The following SCMH1 variants were observed in gnomAD, a reference collection of about 807,000 sequenced individuals.
The protein encoded by SCMH1 is Scm polycomb group protein homolog 1.
Under a neutral mutation model 70.8 loss-of-function variants are expected in SCMH1, and 37 were observed. The ratio of observed to expected loss-of-function variants is 0.52; its 90% CI spans 0.40 to 0.69. The LOEUF (loss-of-function observed/expected upper bound fraction) is 0.69. SCMH1 is among the 30% of genes least tolerant of loss of function. The probability of loss-of-function intolerance (pLI) is 0.00; values close to 1 mark genes in which losing one functional copy is unlikely to be tolerated. For missense variants in SCMH1, 607 were observed against 827.3 expected, an observed-to-expected ratio of 0.73 and a Z score of 3.27; for synonymous variants, 292 against 307.4, an observed-to-expected ratio of 0.95 and a Z score of 0.52.
intron 2 of SCMH1, among the ~76,000 whole-genome samples, chr1:41,185,627 T>C (rs565720213): frequency 1.1e-4 from 17 of 151,710 alleles, no homozygotes; most frequent in African/African-American, 3.6e-4. Context: ...TGTAGCCAAA[T>C]TGTTACAGAT....
At chr1:41,190,877 G>A (rs1651554323) in intron 1 of SCMH1, among the ~76,000 whole-genome samples, 1 of 152,002 alleles carries the variant, frequency 6.6e-6, no homozygotes, top group Non-Finnish European at 1.5e-5. Flanking sequence ...TATCTTTTAA[G>A]TTAGTTAGTT....
At chr1:41,216,455 T>C (rs998206701) in intron 1 of SCMH1, among the ~76,000 whole-genome samples, 1 of 152,142 alleles carries the variant, frequency 6.6e-6, no homozygotes, top group Admixed American at 6.5e-5. Flanking sequence ...ACCTTCACCA[T>C]GATGAAGGCA....
chr1:41,044,405 A>G (rs913187250), intron 12 of SCMH1, among the ~76,000 whole-genome samples: 5 of 152,142 alleles, frequency 3.3e-5, no homozygotes, highest in Non-Finnish European at 7.4e-5. Context: ...AAATGATAAT[A>G]TCAGAGGTGG....
At chr1:41,156,259 A>G (rs1265528383) in intron 4 of SCMH1, among the ~76,000 whole-genome samples, 1 of 152,184 alleles carries the variant, frequency 6.6e-6, no homozygotes, top group Non-Finnish European at 1.5e-5. Flanking sequence ...ATTCCTTTAC[A>G]AGAACTCTAC....
At chr1:41,232,817 TAAAC>T (rs774203658) in intron 1 of SCMH1, among the ~76,000 whole-genome samples, 2 of 152,242 alleles carry the variant, frequency 1.3e-5, no homozygotes, top group Non-Finnish European at 2.9e-5. Flanking sequence ...AACATATGTA[TAAAC>T]AAACAAACAC....
At chr1:41,102,604 C>G (rs1335424045) in intron 8 of SCMH1, among the ~76,000 whole-genome samples, 1 of 152,200 alleles carries the variant, frequency 6.6e-6, no homozygotes, top group East Asian at 1.9e-4. Flanking sequence ...GCTGATAAAT[C>G]TGCAGAGAGT....
At chr1:41,239,115 T>TA (rs142580257) in intron 1 of SCMH1, among the ~76,000 whole-genome samples, 22,485 of 148,662 alleles carry the variant, frequency 0.15, 2,127 homozygotes, top group Non-Finnish European at 0.22. Flanking sequence ...TAAATAAAAA[T>TA]AAAAAAAAAA....
chr1:41,198,873 A>ATGGTATATACTCC (rs1653649617), intron 1 of SCMH1, among the ~76,000 whole-genome samples: 1 of 152,220 alleles, frequency 6.6e-6, no homozygotes, highest in Non-Finnish European at 1.5e-5. Context: ...AGATCAGAGA[A>ATGGTATATACTCC]TGGTATATAC....
intron 6 of SCMH1, among the ~76,000 whole-genome samples, chr1:41,142,562 T>C (rs2148222869): frequency 6.6e-6 from 1 of 152,336 alleles, no homozygotes; most frequent in South Asian, 2.1e-4. Flanking sequence ...GAAAGCTTTA[T>C]GCTTTTTGAG....
At chr1:41,098,256 CTTAT>C (rs1665628126) in intron 8 of SCMH1, among the ~76,000 whole-genome samples, 1 of 152,122 alleles carries the variant, frequency 6.6e-6, no homozygotes, top group Non-Finnish European at 1.5e-5. Flanking sequence ...AAAGACTCAC[CTTAT>C]TTATTATCAT....
At chr1:41,097,577 T>C (rs1665440443) in intron 8 of SCMH1, among the ~76,000 whole-genome samples, 1 of 152,188 alleles carries the variant, frequency 6.6e-6, no homozygotes, top group African/African-American at 2.4e-5. Flanking sequence ...CAAGCAATCC[T>C]CCTGCCTCAG....
chr1:41,082,523 T>G (rs934877880), intron 8 of SCMH1, among the ~76,000 whole-genome samples: 55 of 152,086 alleles, frequency 3.6e-4, no homozygotes, highest in Admixed American at 2.9e-3. Context: ...GCTAAGAGAT[T>G]TTGTCACCAC....
At chr1:41,222,981 A>G (rs978492713) in intron 1 of SCMH1, among the ~76,000 whole-genome samples, 1 of 152,094 alleles carries the variant, frequency 6.6e-6, no homozygotes, top group African/African-American at 2.4e-5. Flanking sequence ...ATTATAATTT[A>G]TTTGTCTGAT....
chr1:41,234,573 C>G (rs1661968903), intron 1 of SCMH1, among the ~76,000 whole-genome samples: 1 of 146,470 alleles, frequency 6.8e-6, no homozygotes, highest in African/African-American at 2.6e-5. Context: ...CTCCCACGTT[C>G]AAGCCATTCT....
intron 1 of SCMH1, among the ~76,000 whole-genome samples, chr1:41,206,127 G>A (rs146720181): frequency 0.013 from 1,960 of 152,242 alleles, 41 homozygotes; most frequent in African/African-American, 0.045. Context: ...AAACCAGAGC[G>A]CCTCTTCTCC....
chr1:41,049,429 C>T (rs1184672418), intron 10 of SCMH1, among the ~76,000 whole-genome samples: 3 of 151,356 alleles, frequency 2.0e-5, no homozygotes, highest in Admixed American at 6.6e-5. Context: ...TACATCAACA[C>T]TCATGCCCAA....
At chr1:41,143,225 C>G in intron 5 of SCMH1, 113 bp from the exon 6 acceptor site, 3 of 694,758 alleles carry the variant, frequency 4.3e-6, no homozygotes, top group Non-Finnish European at 7.3e-6. Flanking sequence ...GAATTATTCC[C>G]TAATAATTAA....
intron 5 of SCMH1, among the ~76,000 whole-genome samples, chr1:41,150,868 C>T (rs1050138449): frequency 1.5e-5 from 2 of 131,972 alleles, no homozygotes; most frequent in Admixed American, 9.0e-5. Flanking sequence ...ACCCAGGAGG[C>T]GGAGCTTGCA....
At chr1:41,224,304 G>A (rs909253360) in intron 1 of SCMH1, among the ~76,000 whole-genome samples, 2 of 152,046 alleles carry the variant, frequency 1.3e-5, no homozygotes, top group Non-Finnish European at 2.9e-5. Context: ...AAAGGGTAAT[G>A]CTGCTTCATG....
Sources: allele counts gnomAD v4.1 joint callset (sites outside exome capture counted in the v4.1 genomes callset), GRCh38; gene constraint gnomAD v4.1.1; transcripts MANE v1.5; gene names NCBI Gene and HGNC (gene_info 2026-07-23, HGNC 2026-07-21).